Variants in ADD3 observed in about 807,000 individuals in gnomAD.
ADD3 encodes the protein adducin 3, also known as gamma-adducin.
A neutral mutation model predicts 80.2 loss-of-function variants in ADD3; 25 were observed. The ratio of observed to expected loss-of-function variants is 0.31; its 90% CI spans 0.23 to 0.44. ADD3 has a LOEUF of 0.44. ADD3 is among the 20% of genes least tolerant of loss of function. The pLI, the probability that ADD3 is intolerant of heterozygous loss-of-function variation, is 1.00. For synonymous variants in ADD3, 284 were observed against 289.6 expected (o/e 0.98, Z 0.20); for missense variants, 829 against 847.5 (o/e 0.98, Z 0.27).
At chr10:110,033,593 G>T (rs1214407879) in intron 1 of ADD3, among the ~76,000 whole-genome samples, 1 of 152,146 alleles carries the variant, frequency 6.6e-6, no homozygotes, top group Non-Finnish European at 1.5e-5. Context: ...TGGGGAATGG[G>T]ATTTCATAGA....
intron 2 of ADD3, chr10:110,112,417 A>G (rs12261598): frequency 0.34 from 56,857 of 169,402 alleles, 14,920 homozygotes; most frequent in African/African-American, 0.74. Flanking sequence ...ACCACGCCTG[A>G]CCAGGGACTC....
At chr10:110,085,670 G>A (rs1439835940) in intron 1 of ADD3, among the ~76,000 whole-genome samples, 2 of 152,202 alleles carry the variant, frequency 1.3e-5, no homozygotes, top group East Asian at 1.9e-4. Flanking sequence ...AATGATAGAA[G>A]GGTCTAAGAC....
intron 1 of ADD3, among the ~76,000 whole-genome samples, chr10:110,028,715 A>T (rs1262833560): frequency 1.3e-5 from 2 of 152,342 alleles, no homozygotes; most frequent in South Asian, 4.1e-4. Context: ...AGAATCATTC[A>T]TACTCTGCAT....
chr10:110,073,771 A>T (rs1167959358), intron 1 of ADD3, among the ~76,000 whole-genome samples: 1 of 152,062 alleles, frequency 6.6e-6, no homozygotes, highest in Non-Finnish European at 1.5e-5. Context: ...CACTTAACGG[A>T]TGGTTTCAGT....
chr10:110,031,906 C>CTTT lies in ADD3; in HGVS notation c.-30+23617_-30+23619dup, dbSNP rs11369505. On this transcript the variant is annotated intron_variant, in intron 1 of 14. Coordinates refer to ENST00000356080, the MANE Select transcript of ADD3 (RefSeq NM_016824.5). ...AATTGACATATGTATTACCTCAATACTTTTTTTTTTTTGTGATAACATTTA... is the reference window on the plus strand; with the variant it reads ...AATTGACATATGTATTACCTCAATACTTTTTTTTTTTTTTTGTGATAACATTTA... Among the ~76,000 whole-genome samples the CTTT allele has an allele frequency of 2.7e-3, 390 of 146,226 alleles. 2 individuals carry two copies. Among genetic ancestry groups the CTTT allele is most frequent in the Middle Eastern group, 0.021 (6 of 280 alleles).
At chr10:110,056,957 G>A (rs985897534) in intron 1 of ADD3, among the ~76,000 whole-genome samples, 3 of 152,142 alleles carry the variant, frequency 2.0e-5, no homozygotes, top group South Asian at 4.1e-4. Context: ...GTTAGTTTTC[G>A]TTCTTTCTAG....
chr10:110,020,720 T>C (rs1853571694), intron 1 of ADD3, among the ~76,000 whole-genome samples: 1 of 152,168 alleles, frequency 6.6e-6, no homozygotes, highest in South Asian at 2.1e-4. Flanking sequence ...GCAATACTCT[T>C]GGTGAGAGAT....
At chr10:110,056,385 A>G (rs771321223) in intron 1 of ADD3, among the ~76,000 whole-genome samples, 2 of 152,250 alleles carry the variant, frequency 1.3e-5, no homozygotes, top group Non-Finnish European at 2.9e-5. Flanking sequence ...AATATTTACA[A>G]AAGCAGGAAA....
chr10:110,109,539 G>A (rs1242516550), intron 2 of ADD3, among the ~76,000 whole-genome samples: 1 of 152,120 alleles, frequency 6.6e-6, no homozygotes, highest in African/African-American at 2.4e-5. Flanking sequence ...ACTTCTCCAA[G>A]TTATTGTAAT....
intron 1 of ADD3, among the ~76,000 whole-genome samples, chr10:110,033,407 T>C (rs1855283198): frequency 6.6e-6 from 1 of 152,202 alleles, no homozygotes; most frequent in Non-Finnish European, 1.5e-5. Context: ...ATAAAGAGAA[T>C]ATGTTCATGT....
At chr10:110,132,210 G>C in intron 13 of ADD3, 95 bp from the exon 14 acceptor site, 1 of 755,844 alleles carries the variant, frequency 1.3e-6, no homozygotes, top group Non-Finnish European at 2.3e-6. Context: ...TCATCTCTTT[G>C]TATACAGGCA....
chr10:110,038,928 G>A lies in ADD3; in HGVS notation c.-30+30629G>A, dbSNP rs527260013. Among the ~76,000 whole-genome samples the A allele has an allele frequency of 2.0e-5, 3 of 152,256 alleles. No homozygotes were observed. The South Asian group carries it at 6.2e-4, about 32-fold the overall frequency. On this transcript the variant is annotated intron_variant, in intron 1 of 14. Coordinates refer to ENST00000356080, the MANE Select transcript of ADD3 (RefSeq NM_016824.5). ...CAGTAAATTATGGGCTATAATATGT[G>A]TAATATGAAAAAGTTGATTGCATGA...
chr10:110,055,624 C>G (rs1332894362), intron 1 of ADD3, among the ~76,000 whole-genome samples: 1 of 152,082 alleles, frequency 6.6e-6, no homozygotes. Context: ...GCTCAATTGT[C>G]TAAGAACAAA....
In ADD3 at chr10:110,050,075, C is replaced by T. The variant is rs555726263; in HGVS notation, c.-30+41776C>T. Among the ~76,000 whole-genome samples the T allele has an allele frequency of 2.4e-4, 37 of 152,132 alleles. 1 individual carries two copies. In the South Asian group the frequency reaches 4.8e-3, roughly 20 times the overall value. On this transcript the variant is annotated intron_variant, in intron 1 of 14. Coordinates refer to ENST00000356080, the MANE Select transcript of ADD3 (RefSeq NM_016824.5). ...TTATAGGCTCATAGGCGGAAGGGAC[C>T]GGTCTTGTCTCAGAAGAGACTTTGG...
At chr10:110,007,932 C>T (rs1199836224), upstream of ADD3, 1 of 16,380 alleles carries the variant, frequency 6.1e-5, no homozygotes, top group Admixed American at 8.6e-4. Context: ...AGGGGCGGGG[C>T]GTTAGGGGGC....
chr10:110,050,547 C>G (rs370530792), intron 1 of ADD3, among the ~76,000 whole-genome samples: 15 of 144,926 alleles, frequency 1.0e-4, no homozygotes, highest in African/African-American at 3.8e-4. Context: ...GAGTCTCGCT[C>G]TGTTGCCCAG....
At chr10:110,047,461 C>G (rs1000166058) in intron 1 of ADD3, among the ~76,000 whole-genome samples, 3 of 152,290 alleles carry the variant, frequency 2.0e-5, no homozygotes, top group East Asian at 1.9e-4. Flanking sequence ...CAGGTGCTAG[C>G]ATTCTCCAAA....
chr10:110,115,070 C>A (rs1471660503), intron 3 of ADD3, among the ~76,000 whole-genome samples: 1 of 139,362 alleles, frequency 7.2e-6, no homozygotes, highest in East Asian at 2.1e-4. Flanking sequence ...CAGAGTGATA[C>A]CCCTGCCTCT....
At position 110,101,442 on chromosome 10, in the gene ADD3, T is replaced by G. The variant is rs547826993; in HGVS notation, c.195+594T>G. Among the ~76,000 whole-genome samples, 120 of 152,232 alleles carry G rather than the reference T, an allele frequency of 7.9e-4. 1 individual carries two copies. Among genetic ancestry groups the G allele is most frequent in the African/African-American group, 2.8e-3 (116 of 41,524 alleles). On this transcript the variant is annotated intron_variant, in intron 2 of 14. Transcript: ENST00000356080. Reference sequence around the variant, plus strand: ...TGAGCACAGGAGTTTGAAACCAGCCTAGGCAGCATAGTGAATCCTTGTCTC... The same window carrying G: ...TGAGCACAGGAGTTTGAAACCAGCCGAGGCAGCATAGTGAATCCTTGTCTC...
Sources: allele counts gnomAD v4.1 joint callset (sites outside exome capture counted in the v4.1 genomes callset), GRCh38; gene constraint gnomAD v4.1.1; transcripts MANE v1.5; gene names NCBI Gene and HGNC (gene_info 2026-07-23, HGNC 2026-07-21).